PSMD9: variants seen among roughly 807,000 people sequenced by gnomAD.
PSMD9 encodes 26S proteasome non-ATPase regulatory subunit 9.
Under a neutral mutation model 25.9 loss-of-function variants are expected in PSMD9, and 26 were observed. The ratio of observed to expected loss-of-function variants is 1.00; its 90% CI spans 0.73 to 1.39. PSMD9 has a LOEUF of 1.39. PSMD9 is among the 40% of genes most tolerant of loss of function. The probability of loss-of-function intolerance (pLI) is 0.00; values close to 1 mark genes in which losing one functional copy is unlikely to be tolerated. For missense variants in PSMD9, 303 were observed against 299.3 expected (o/e 1.01, Z -0.09); for synonymous variants, 110 against 114.5 (o/e 0.96, Z 0.25).
chr12:121,889,102 T>A, intron 1 of PSMD9, 108 bp downstream of exon 1: 1 of 1,412,270 alleles, frequency 7.1e-7, no homozygotes, highest in Non-Finnish European at 9.5e-7. Flanking sequence ...CGGATCTCCC[T>A]GGGAGGCCCA....
chr12:121,909,066 A>G (rs1255873272), intron 4 of PSMD9, among the ~76,000 whole-genome samples: 2 of 152,020 alleles, frequency 1.3e-5, no homozygotes, highest in Non-Finnish European at 2.9e-5. Context: ...TAGAGAACAG[A>G]TTGGAGGGTG....
intron 5 of PSMD9, 36 bp from the exon 6 acceptor site, chr12:121,916,248 C>G: frequency 6.2e-7 from 1 of 1,613,720 alleles, no homozygotes; most frequent in Non-Finnish European, 8.5e-7. Context: ...AAGGGAGCCT[C>G]CAAACTTACG....
Position 121,915,690 on chromosome 12 carries a change from C to G in PSMD9, c.556-166C>G, listed in dbSNP as rs1879876086. 6 of 623,782 alleles carry G rather than the reference C, an allele frequency of 9.6e-6. No homozygotes were observed. In the South Asian group the frequency reaches 1.3e-4, roughly 13 times the overall value. 38.6% of individuals were successfully genotyped at this position (623,782 alleles called of 1,614,324 possible). A position where few individuals can be genotyped will look rare whatever the true frequency, so the allele number is the denominator to read the frequency against. ...TACTGAGGTCAGCACCCTGGCTGCCCTGAGAGTGCAGTGCCACGTTCCCCA... is the reference window on the plus strand; with the variant it reads ...TACTGAGGTCAGCACCCTGGCTGCCGTGAGAGTGCAGTGCCACGTTCCCCA... On this transcript the variant is annotated intron_variant, in intron 4 of 5. Coordinates refer to ENST00000541212, the MANE Select transcript of PSMD9 (RefSeq NM_002813.7).
chr12:121,910,109 T>C (rs1014525623), intron 4 of PSMD9, among the ~76,000 whole-genome samples: 1 of 99,506 alleles, frequency 1.0e-5, no homozygotes, highest in African/African-American at 4.0e-5. Flanking sequence ...TTTTTTGAGA[T>C]GGAGTCTCGC....
chr12:121,891,943 T>A (rs1372008021), intron 1 of PSMD9, among the ~76,000 whole-genome samples: 1 of 144,288 alleles, frequency 6.9e-6, no homozygotes, highest in East Asian at 2.0e-4. Flanking sequence ...CAGCTAAAAC[T>A]ATAAATCTCG....
chr12:121,913,635 A>G (rs1315857247), intron 4 of PSMD9, among the ~76,000 whole-genome samples: 1 of 150,140 alleles, frequency 6.7e-6, no homozygotes, highest in African/African-American at 2.5e-5. Context: ...GGGACTACAG[A>G]TGTGCGTCAT....
intron 4 of PSMD9, 125 bp from the exon 5 acceptor site, chr12:121,915,730 AC>A: frequency 2.3e-6 from 2 of 871,090 alleles, no homozygotes; most frequent in Admixed American, 4.9e-5. Context: ...CTCGCCAACC[AC>A]AGGATTATGC....
At position 121,903,000 on chromosome 12, in the gene PSMD9, C is replaced by T. The variant is rs1315577114; in HGVS notation, c.454-6C>T. 1.2e-5 allele frequency: 20 copies of T among 1,613,046 alleles called. No homozygotes were observed. The highest frequency in any genetic ancestry group is 9.3e-6 in the Non-Finnish European group (11 of 1,179,214). ...CCTGATTTTCCATTTTTCCTTCCCT[C>T]TCCAGGGTCTGCAAGTGGATGATGA... On this transcript the variant is annotated splice_polypyrimidine_tract_variant and splice_region_variant and intron_variant, in intron 3 of 5. Transcript: ENST00000541212.
At chr12:121,907,754 A>T (rs1418637549) in intron 4 of PSMD9, among the ~76,000 whole-genome samples, 1 of 152,216 alleles carries the variant, frequency 6.6e-6, no homozygotes, top group Non-Finnish European at 1.5e-5. Flanking sequence ...CAATGATAAA[A>T]ATAGGCTGGC....
At chr12:121,913,559 A>G (rs1430224595) in intron 4 of PSMD9, among the ~76,000 whole-genome samples, 3 of 147,300 alleles carry the variant, frequency 2.0e-5, no homozygotes, top group African/African-American at 5.0e-5. Flanking sequence ...TGGCACATTC[A>G]TGGCTCACTG....
chr12:121,912,868 CAAAAAAA>C lies in PSMD9; in HGVS notation c.556-2975_556-2969del, dbSNP rs35325016. Among the ~76,000 whole-genome samples the C allele has an allele frequency of 3.1e-3, 265 of 85,812 alleles. 2 individuals are homozygous for C. Among genetic ancestry groups the C allele is most frequent in the African/African-American group, 0.011 (262 of 23,772 alleles). 56.3% of individuals were successfully genotyped at this position (85,812 alleles called of 152,430 possible). A position where few individuals can be genotyped will look rare whatever the true frequency, so the allele number is the denominator to read the frequency against. ...GGGCAACAGGAGTGAAACCCTGTCTCAAAAAAAAAAAAAAAAAAAGAAAGAAAAAGAA... is the reference window on the plus strand; with the variant it reads ...GGGCAACAGGAGTGAAACCCTGTCTCAAAAAAAAAAAAGAAAGAAAAAGAA... On this transcript the variant is annotated intron_variant, in intron 4 of 5. Transcript: ENST00000541212.
At chr12:121,899,581 T>A in intron 2 of PSMD9, 53 bp from the exon 3 acceptor site, 1 of 1,477,696 alleles carries the variant, frequency 6.8e-7, no homozygotes, top group Non-Finnish European at 9.2e-7. Context: ...AATGTAGGAG[T>A]CTTGTGTCCT....
intron 1 of PSMD9, among the ~76,000 whole-genome samples, chr12:121,893,325 C>A (rs955497473): frequency 1.3e-5 from 2 of 152,162 alleles, no homozygotes; most frequent in African/African-American, 4.8e-5. Flanking sequence ...TGGGTGTAAC[C>A]CGGAGGCTTC....
chr12:121,897,693 T>C (rs1363391422), intron 2 of PSMD9: 7 of 148,998 alleles, frequency 4.7e-5, no homozygotes, highest in Non-Finnish European at 8.9e-5. Flanking sequence ...CCTAATTTTT[T>C]AGTAGTATTT....
intron 2 of PSMD9, among the ~76,000 whole-genome samples, chr12:121,896,156 C>T (rs1879222273): frequency 6.6e-6 from 1 of 152,066 alleles, no homozygotes; most frequent in Non-Finnish European, 1.5e-5. Context: ...TGAGCAATTC[C>T]TTATTGGTCT....
intron 2 of PSMD9, 114 bp downstream of exon 2, chr12:121,894,955 A>G (rs1024095629): frequency 1.1e-6 from 1 of 910,608 alleles, no homozygotes; most frequent in African/African-American, 1.7e-5. Flanking sequence ...CCTTGATGGG[A>G]TTGTCTTGTC....
rs533949246 is a variant in PSMD9, at chr12:121,903,834, C to T, written c.555+727C>T. Among the ~76,000 whole-genome samples, 378 of 149,952 alleles carry T rather than the reference C, an allele frequency of 2.5e-3. 2 individuals carry two copies. The highest frequency in any genetic ancestry group is 4.8e-3 in the Non-Finnish European group (324 of 67,732). On this transcript the variant is annotated intron_variant, in intron 4 of 5. Coordinates refer to ENST00000541212, the MANE Select transcript of PSMD9 (RefSeq NM_002813.7). ...TGGTGGTGCTATCATAACTACCTCA[C>T]GGCTAATTTTTTTATATTTTGTGGA...
At chr12:121,901,007 AG>A (rs34164811) in intron 3 of PSMD9, among the ~76,000 whole-genome samples, 4,816 of 148,548 alleles carry the variant, frequency 0.032, 247 homozygotes, top group African/African-American at 0.11. Flanking sequence ...AAAAAAAAAA[AG>A]GAGATGGGGT....
chr12:121,900,710 G>A lies in PSMD9; in HGVS notation c.453+865G>A, dbSNP rs1156643156. Among the ~76,000 whole-genome samples the A allele has an allele frequency of 4.0e-5, 6 of 151,820 alleles. No individual in the cohort carries two copies. The East Asian group carries it at 7.7e-4, about 20-fold the overall frequency. Reference sequence around the variant, plus strand: ...TTCTATTTAAAAAATTTGCAGCCAGGTGCAGTGGCTCACGCCTGTAATCCC... The same window carrying A: ...TTCTATTTAAAAAATTTGCAGCCAGATGCAGTGGCTCACGCCTGTAATCCC... On this transcript the variant is annotated intron_variant, in intron 3 of 5. Coordinates refer to ENST00000541212, the MANE Select transcript of PSMD9 (RefSeq NM_002813.7).
Sources: allele counts gnomAD v4.1 joint callset (sites outside exome capture counted in the v4.1 genomes callset), GRCh38; gene constraint gnomAD v4.1.1; transcripts MANE v1.5; gene names NCBI Gene and HGNC (gene_info 2026-07-23, HGNC 2026-07-21).